The following PEX1 variants were observed in gnomAD, a reference collection of about 807,000 sequenced individuals.
The protein encoded by PEX1 is peroxisomal ATPase PEX1.
PEX1 carries 97 observed loss-of-function variants against 152.5 expected under a neutral mutation model. The ratio of observed to expected loss-of-function variants is 0.64; its 90% CI spans 0.54 to 0.75. The LOEUF is 0.75. Among genes scored for constraint, PEX1 ranks in the 30% least tolerant of loss-of-function variants. PEX1 has a pLI of 0.00. For missense variants in PEX1, 1,357 were observed against 1,516.3 expected, an observed-to-expected ratio of 0.89 and a Z score of 1.74; for synonymous variants, 485 against 531.6, an observed-to-expected ratio of 0.91 and a Z score of 1.21.
At chr7:92,493,969 G>GT (rs199791843) in intron 19 of PEX1, 5,739 of 273,630 alleles carry the variant, frequency 0.021, no homozygotes, top group South Asian at 0.038. Context: ...CTGTATCAGA[G>GT]TTTTTTTTTT....
chr7:92,487,173 G>T lies in PEX1; in HGVS notation c.*284C>A, dbSNP rs1790965002. ...ATTCTTTATTATCTTTTCCTCAAAA[G>T]AAATAAATTAGTTCCACCATTTGGC... On this transcript the variant is annotated 3_prime_UTR_variant, in exon 24 of 24. Transcript: ENST00000248633. The T allele has an allele frequency of 9.6e-6, 2 of 207,274 alleles. No individual in the cohort carries two copies. Among genetic ancestry groups the T allele is most frequent in the Non-Finnish European group, 9.5e-6 (1 of 104,810 alleles). 12.8% of individuals were successfully genotyped at this position (207,274 alleles called of 1,614,324 possible). A position where few individuals can be genotyped will look rare whatever the true frequency, so the allele number is the denominator to read the frequency against.
chr7:92,512,177 C>A (rs528440942), intron 6 of PEX1, among the ~76,000 whole-genome samples: 1 of 152,062 alleles, frequency 6.6e-6, no homozygotes, highest in African/African-American at 2.4e-5. Context: ...GGATTATAGA[C>A]ATTGCAGCTA....
intron 12 of PEX1, among the ~76,000 whole-genome samples, 164 bp from the exon 13 acceptor site, chr7:92,503,359 C>T (rs1235012683): frequency 6.6e-6 from 1 of 152,028 alleles, no homozygotes. Context: ...CTAGTTATTC[C>T]CTGATTTATC....
In PEX1 at chr7:92,528,232, C is replaced by T. The variant is rs1454971304; in HGVS notation, c.129+75G>A. The T allele has an allele frequency of 5.9e-6, 9 of 1,532,966 alleles. No homozygotes were observed. The East Asian group carries it at 1.2e-4, about 21-fold the overall frequency. The allele number at this position is 1,532,966 out of a possible 1,614,324, so 95.0% of individuals were successfully genotyped here. On this transcript the variant is annotated intron_variant, in intron 1 of 23. Transcript: ENST00000248633. The stretch of plus-strand genomic sequence containing the variant: ...GGCGCCCGGGTGGCAGCCGGTGTCC[C>T]GCCGCGTCCCTGAGAGGCTTCGGCC...
At chr7:92,527,883 G>C (rs577748204) in intron 1 of PEX1, among the ~76,000 whole-genome samples, 1 of 152,228 alleles carries the variant, frequency 6.6e-6, no homozygotes, top group African/African-American at 2.4e-5. Flanking sequence ...CTTAGTCCCC[G>C]GGAACCGACA....
rs1554372180 is a variant in PEX1, at chr7:92,504,875, G to GT, written c.1927dup (p.Thr643AsnfsTer21). On this transcript the variant is annotated frameshift_variant, in exon 12 of 24. Transcript: ENST00000248633. LOFTEE classifies it high-confidence loss of function. Reference sequence around the variant, plus strand: ...TGCCTCTGAGAAAGCCACCTCTAGGGTTTTTTGTATGTTTTCAAGCCTTTT... The same window carrying GT: ...TGCCTCTGAGAAAGCCACCTCTAGGGTTTTTTTGTATGTTTTCAAGCCTTTT... The GT allele has an allele frequency of 1.2e-6, 2 of 1,613,712 alleles. No individual in the cohort carries two copies. Among genetic ancestry groups the GT allele is most frequent in the Non-Finnish European group, 1.7e-6 (2 of 1,179,676 alleles).
At chr7:92,499,889 A>G (rs1791844098) in intron 15 of PEX1, 51 bp from the exon 16 acceptor site, 1 of 1,453,626 alleles carries the variant, frequency 6.9e-7, no homozygotes, top group Admixed American at 1.7e-5. Flanking sequence ...CTAAACAGAA[A>G]TGACTAAGTA....
chr7:92,496,395 C>G (rs1254177833), intron 17 of PEX1, among the ~76,000 whole-genome samples: 2 of 152,092 alleles, frequency 1.3e-5, no homozygotes, highest in East Asian at 1.9e-4. Flanking sequence ...TTAGAACTTA[C>G]AAAATTTAGA....
At chr7:92,494,430 C>T (rs763134718) in intron 18 of PEX1, 34 bp from the exon 19 acceptor site, 6 of 1,611,826 alleles carry the variant, frequency 3.7e-6, no homozygotes, top group Non-Finnish European at 4.2e-6. Context: ...TTACCAAAAT[C>T]TGATGACATG....
At chr7:92,515,495 G>A (rs1411616260) in intron 5 of PEX1, among the ~76,000 whole-genome samples, 2 of 152,116 alleles carry the variant, frequency 1.3e-5, no homozygotes, top group Non-Finnish European at 2.9e-5. Context: ...TCAGTGGAGT[G>A]GGAAGGGCGG....
chr7:92,499,429 G>T (rs1009459165), intron 16 of PEX1, among the ~76,000 whole-genome samples: 2 of 152,112 alleles, frequency 1.3e-5, no homozygotes, highest in African/African-American at 4.8e-5. Context: ...TTACATAAGT[G>T]AAAGAAGCCA....
rs753299295 is a variant in PEX1, at chr7:92,522,183, C to T, written c.192G>A (p.Arg64=). The part of the protein sequence containing the change: ...QPAFLSWVEG[R]HFSDQGENVA... ...CATTTTCACCTTGATCACTAAAATG[C>T]CTGCCTTCCACCCAGCTCAAGAATG... The change falls in exon 2 of 24, where the codon AGG becomes AGA. Residue 64 remains arginine, a synonymous_variant. Transcript: ENST00000248633. 6.2e-7 allele frequency: 1 copy of T among 1,614,094 alleles called. No individual in the cohort carries two copies. The highest frequency in any genetic ancestry group is 8.5e-7 in the Non-Finnish European group (1 of 1,179,964).
intron 13 of PEX1, 25 bp downstream of exon 13, chr7:92,503,016 A>G (rs1194876620): frequency 1.9e-6 from 3 of 1,595,032 alleles, no homozygotes; most frequent in Admixed American, 1.7e-5. Flanking sequence ...ACATAATTCA[A>G]TAATCCTTAC....
chr7:92,489,321 C>T lies in PEX1; in HGVS notation c.3739G>A (p.Glu1247Lys). 1 of 1,613,586 alleles carries T rather than the reference C, an allele frequency of 6.2e-7. No homozygotes were observed. Among genetic ancestry groups the T allele is most frequent in the Non-Finnish European group, 8.5e-7 (1 of 1,179,676 alleles). The change falls in exon 23 of 24, where the codon GAA becomes AAA. Residue 1247 changes from glutamate to lysine, a missense_variant. Transcript: ENST00000248633. ...ALGHTRPSIS[E>K]DDWKNFAELY... is the part of the protein sequence containing the mutation. ...TCAGCAAAATTCTTCCAGTCATCTT[C>T]ACTAATGGATGGTCTTGTGTGACCA...
chr7:92,509,204 T>A, intron 9 of PEX1, 125 bp downstream of exon 9: 1 of 686,946 alleles, frequency 1.5e-6, no homozygotes. Context: ...TGAAAAAATA[T>A]CTACTGATGC....
rs746171089 is a variant in PEX1, at chr7:92,528,397, G to T, written c.39C>A (p.Gly13=). The T allele has an allele frequency of 8.8e-6, 14 of 1,594,974 alleles. No individual in the cohort carries two copies. The South Asian group carries it at 1.6e-4, about 18-fold the overall frequency. Residue 13 remains glycine (G), a synonymous_variant, in exon 1 of 24, where the codon GGC becomes GGA. Coordinates refer to ENST00000248633, the MANE Select transcript of PEX1 (RefSeq NM_000466.3). ...GSDRLAGAGG[G]GAAVTVAFTN... The stretch of plus-strand genomic sequence containing the variant: ...TGAAGGCCACAGTCACTGCCGCCCC[G>T]CCTCCCCCAGCACCCGCCAGGCGAT...
At chr7:92,507,452 T>C in intron 9 of PEX1, 1 of 278,478 alleles carries the variant, frequency 3.6e-6, no homozygotes, top group Non-Finnish European at 7.0e-6. Context: ...GGTTTTGCCA[T>C]GTTGCCCAGG....
rs183314227 is a variant in PEX1 at position 92,520,092 on chromosome 7, G to A, written c.274-1014C>T. 6.0e-5 allele frequency among the ~76,000 whole-genome samples: 9 copies of A among 151,120 alleles called. No homozygotes were observed. The East Asian group carries it at 1.6e-3, about 26-fold the overall frequency. ...TTTCTTAGTGGCATTGCTGCAATAA[G>A]GGATCTAAAAAAATCAGGTAAAGTC... On this transcript the variant is annotated intron_variant, in intron 2 of 23. Transcript: ENST00000248633.
In PEX1 at chr7:92,494,478, A is replaced by G. The variant is rs1791543163; in HGVS notation, c.2926+9T>C. 2 of 1,613,174 alleles carry G rather than the reference A, an allele frequency of 1.2e-6. No individual in the cohort carries two copies. Among genetic ancestry groups the G allele is most frequent in the African/African-American group, 2.7e-5 (2 of 74,902 alleles). On this transcript the variant is annotated intron_variant, in intron 18 of 23. Coordinates refer to ENST00000248633, the MANE Select transcript of PEX1 (RefSeq NM_000466.3). ...TATAACATTCTATTTCTGTATTTAT[A>G]ATTATTACCCTGTAAGCCTTCTACT...
Sources: allele counts gnomAD v4.1 joint callset (sites outside exome capture counted in the v4.1 genomes callset), GRCh38; gene constraint gnomAD v4.1.1; transcripts MANE v1.5; gene names NCBI Gene and HGNC (gene_info 2026-07-23, HGNC 2026-07-21).